Variants in YBEY observed in about 807,000 individuals in gnomAD.
The protein encoded by YBEY is endoribonuclease YbeY.
Under a neutral mutation model 13.5 loss-of-function variants are expected in YBEY, and 15 were observed. That is an observed-to-expected ratio of 1.11 (90% confidence interval 0.75 to 1.72). The LOEUF (loss-of-function observed/expected upper bound fraction) is 1.72. YBEY is among the 40% of genes most tolerant of loss of function. YBEY has a pLI of 0.00. For synonymous variants in YBEY, 101 were observed against 83.1 expected, an observed-to-expected ratio of 1.21 and a Z score of -1.17; for missense variants, 244 against 208.4, an observed-to-expected ratio of 1.17 and a Z score of -1.05.
intron 3 of YBEY, among the ~76,000 whole-genome samples, chr21:46,294,902 T>C (rs1268968500): frequency 1.3e-5 from 2 of 152,210 alleles, no homozygotes; most frequent in Non-Finnish European, 2.9e-5. Context: ...AGGCAGAGCT[T>C]CCCAGCCAGA....
downstream of YBEY, chr21:46,301,362 G>C: frequency 1.9e-6 from 1 of 532,184 alleles, no homozygotes; most frequent in African/African-American, 2.1e-5. Context: ...ACCCAGGCTG[G>C]TCTCGAATTC....
chr21:46,302,335 G>T, downstream of YBEY: 1 of 1,130,510 alleles, frequency 8.8e-7, no homozygotes. Context: ...ATCTGGGCTG[G>T]GACTCGATGG....
In YBEY at chr21:46,297,588, G is replaced by A. The variant is rs1254464709; in HGVS notation, c.458G>A (p.Gly153Glu). Residue 153 changes from glycine (G) to glutamate (E), a missense_variant, in exon 5 of 5, where the codon GGG (glycine) becomes GAG (glutamate). Physicochemically the swap from Gly to Glu is moderately conservative, Grantham distance 98 (BLOSUM62 -2). Coordinates refer to ENST00000397701, the MANE Select transcript of YBEY (RefSeq NM_001314025.2). ...CTGGACGAGCTGGGCCGACGCACGGGGACCCGGCTGCAGCCCCTGACCCGG... is the reference window on the plus strand; with the variant it reads ...CTGGACGAGCTGGGCCGACGCACGGAGACCCGGCTGCAGCCCCTGACCCGG... Reference protein sequence around the residue: ...AVLDELGRRTGTRLQPLTRGL... With the variant: ...AVLDELGRRTETRLQPLTRGL... 1.4e-6 allele frequency: 2 copies of A among 1,384,718 alleles called. No homozygotes were observed. 85.8% of individuals were successfully genotyped at this position (1,384,718 alleles called of 1,614,324 possible). A position where few individuals can be genotyped will look rare whatever the true frequency, so the allele number is the denominator to read the frequency against.
chr21:46,288,835 T>A (rs2081577876), intron 2 of YBEY, among the ~76,000 whole-genome samples: 1 of 152,124 alleles, frequency 6.6e-6, no homozygotes, highest in African/African-American at 2.4e-5. Context: ...CTGGGCAACA[T>A]GGTCAAACCT....
the YBEY span, among the ~76,000 whole-genome samples, chr21:46,303,707 AAATATATATATATAT>A: frequency 8.6e-3 from 355 of 41,202 alleles, no homozygotes; most frequent in Non-Finnish European, 0.012. Context: ...CACACACACA[AAATATATATATATAT>A]ATATATATAT....
the YBEY span, among the ~76,000 whole-genome samples, chr21:46,309,461 C>CA: frequency 0.024 from 2,152 of 90,196 alleles, 20 homozygotes; most frequent in Middle Eastern, 0.1. Flanking sequence ...GACTCCGTCT[C>CA]AAAAAAAAAA....
chr21:46,298,239 A>G (rs55808731), downstream of YBEY, among the ~76,000 whole-genome samples: 8,398 of 34,024 alleles, frequency 0.25, 337 homozygotes, highest in Admixed American at 0.28. Flanking sequence ...AGGGACATGA[A>G]AATGCCTTCC....
At chr21:46,304,930 C>T in the YBEY span, among the ~76,000 whole-genome samples, 1 of 152,234 alleles carries the variant, frequency 6.6e-6, no homozygotes, top group East Asian at 1.9e-4. Context: ...GGACATCACA[C>T]TAAGCGAAAT....
downstream of YBEY, chr21:46,302,300 C>A (rs913738996): frequency 1.5e-5 from 21 of 1,359,766 alleles, no homozygotes; most frequent in East Asian, 5.1e-5. Context: ...TCCTCCCCCG[C>A]CCCAAATTGT....
At chr21:46,300,447 T>C (rs2082075073), downstream of YBEY, 1 of 214,852 alleles carries the variant, frequency 4.7e-6, no homozygotes, top group East Asian at 1.4e-4. Flanking sequence ...AAAACATTTT[T>C]AATAGAAAGA....
chr21:46,300,893 A>G, downstream of YBEY: 2 of 1,007,616 alleles, frequency 2.0e-6, no homozygotes, highest in Non-Finnish European at 2.6e-6. Context: ...AAAAAAAGTA[A>G]CAAAAAGTAA....
At chr21:46,305,919 C>T in the YBEY span, among the ~76,000 whole-genome samples, 1 of 151,446 alleles carries the variant, frequency 6.6e-6, no homozygotes, top group Non-Finnish European at 1.5e-5. Context: ...TCCAGCCTGG[C>T]AGACAGCGAG....
chr21:46,291,528 A>C (rs1194514629), intron 3 of YBEY, 66 bp downstream of exon 3: 2 of 1,597,942 alleles, frequency 1.3e-6, no homozygotes, highest in Non-Finnish European at 1.7e-6. Flanking sequence ...AGGGGTCAAG[A>C]TCACAACCCT....
At chr21:46,302,648 A>G (rs2082162612), downstream of YBEY, 6 of 1,210,980 alleles carry the variant, frequency 5.0e-6, no homozygotes, top group Non-Finnish European at 7.1e-6. Context: ...ATAGAGCATT[A>G]TAGGACCAGA....
chr21:46,305,735 C>T, the YBEY span, among the ~76,000 whole-genome samples: 23 of 151,156 alleles, frequency 1.5e-4, no homozygotes, highest in African/African-American at 5.6e-4. Context: ...GTTAGAAGAT[C>T]GAGACCATCC....
chr21:46,289,441 G>GTTTTTTTTTTTTTTT (rs773002446), intron 2 of YBEY, among the ~76,000 whole-genome samples: 1 of 136,520 alleles, frequency 7.3e-6, no homozygotes. Flanking sequence ...GAAGGCAAGG[G>GTTTTTTTTTTTTTTT]TTTTGTTTTT....
chr21:46,309,461 C>CAAA, the YBEY span, among the ~76,000 whole-genome samples: 1 of 90,284 alleles, frequency 1.1e-5, no homozygotes, highest in Non-Finnish European at 2.2e-5. Context: ...GACTCCGTCT[C>CAAA]AAAAAAAAAA....
downstream of YBEY, chr21:46,301,763 C>A (rs528925294): frequency 3.3e-6 from 4 of 1,227,470 alleles, no homozygotes; most frequent in Admixed American, 4.3e-5. Flanking sequence ...TGGTGGGGTT[C>A]ACAGGCCCCT....
At chr21:46,300,980 G>A, downstream of YBEY, 1 of 775,094 alleles carries the variant, frequency 1.3e-6, no homozygotes, top group South Asian at 2.0e-5. Context: ...ACTGAGGGGA[G>A]TGAGCCGCCC....
Sources: allele counts gnomAD v4.1 joint callset (sites outside exome capture counted in the v4.1 genomes callset), GRCh38; gene constraint gnomAD v4.1.1; transcripts MANE v1.5; gene names NCBI Gene and HGNC (gene_info 2026-07-23, HGNC 2026-07-21).